Variants in LRRC69 observed in about 807,000 individuals in gnomAD.
The protein encoded by LRRC69 is leucine rich repeat containing 69, also known as leucine-rich repeat-containing protein 69.
Under a neutral mutation model 37.8 loss-of-function variants are expected in LRRC69, and 42 were observed. That is an observed-to-expected ratio of 1.11 (90% CI 0.87 to 1.44). The LOEUF (loss-of-function observed/expected upper bound fraction) is 1.44, where lower values mean the gene tolerates loss of function less well. LRRC69 is among the 40% of genes most tolerant of loss of function. LRRC69 has a pLI of 0.00. For synonymous variants in LRRC69, 141 were observed against 143.1 expected, an observed-to-expected ratio of 0.99 and a Z score of 0.11; for missense variants, 357 against 401.9, an observed-to-expected ratio of 0.89 and a Z score of 0.96.
rs1808875795 is a variant in LRRC69, at chr8:91,158,415, A to T, written c.651+22676A>T. 10 of 1,385,120 alleles carry T rather than the reference A, an allele frequency of 7.2e-6. No individual in the cohort carries two copies. The South Asian group carries it at 8.1e-5, about 11-fold the overall frequency. The allele number at this position is 1,385,120 out of a possible 1,614,324, so 85.8% of individuals were successfully genotyped here. A position where few individuals can be genotyped will look rare whatever the true frequency, so the allele number is the denominator to read the frequency against. On this transcript the variant is annotated intron_variant, in intron 5 of 7. Coordinates refer to ENST00000448384, the Ensembl canonical transcript of LRRC69. Reference sequence around the variant, plus strand: ...GATCACCCCAAGAAAGTAAACAAAGATGATGAGGAATTCATAGAAAGCAAT... The same window carrying T: ...GATCACCCCAAGAAAGTAAACAAAGTTGATGAGGAATTCATAGAAAGCAAT...
Position 91,157,063 on chromosome 8 carries a change from T to G in LRRC69, c.651+21324T>G, listed in dbSNP as rs540936451. 6.1e-4 allele frequency among the ~76,000 whole-genome samples: 92 copies of G among 151,426 alleles called. 1 individual carries two copies. The South Asian group carries it at 6.9e-3, about 11-fold the overall frequency. On this transcript the variant is annotated intron_variant, in intron 5 of 7. Coordinates refer to ENST00000448384, the Ensembl canonical transcript of LRRC69. ...GTCAGGTAGTTTGATGACTCTAGGTTTGTTCTTTTTGCTCAGAATTGCTTT... is the reference window on the plus strand; with the variant it reads ...GTCAGGTAGTTTGATGACTCTAGGTGTGTTCTTTTTGCTCAGAATTGCTTT...
At chr8:91,158,887 G>A (rs1808886472) in intron 5 of LRRC69, 1 of 604,796 alleles carries the variant, frequency 1.7e-6, no homozygotes, top group South Asian at 2.0e-5. Context: ...ATACAACTTT[G>A]TGCATTTGTG....
At chr8:91,215,675 C>T (rs988107553) in intron 7 of LRRC69, among the ~76,000 whole-genome samples, 1 of 152,148 alleles carries the variant, frequency 6.6e-6, no homozygotes, top group African/African-American at 2.4e-5. Context: ...CACAGACCAA[C>T]TCCTTTTCCT....
At chr8:91,115,041 G>A (rs934276672) in intron 1 of LRRC69, among the ~76,000 whole-genome samples, 3 of 151,910 alleles carry the variant, frequency 2.0e-5, no homozygotes, top group Non-Finnish European at 1.5e-5. Context: ...AAGGGTCTAG[G>A]GAGAGGGAGA....
intron 7 of LRRC69, among the ~76,000 whole-genome samples, chr8:91,216,317 C>G (rs539481542): frequency 6.6e-6 from 1 of 152,108 alleles, no homozygotes; most frequent in African/African-American, 2.4e-5. Context: ...CATGCGATGT[C>G]CTAATGACAC....
intron 5 of LRRC69, among the ~76,000 whole-genome samples, chr8:91,148,571 G>A (rs1321060539): frequency 6.6e-6 from 1 of 151,954 alleles, no homozygotes; most frequent in East Asian, 1.9e-4. Flanking sequence ...ATAGCAGCAT[G>A]ATTTATAATC....
At chr8:91,154,407 C>T (rs1808796576) in intron 5 of LRRC69, among the ~76,000 whole-genome samples, 2 of 151,740 alleles carry the variant, frequency 1.3e-5, no homozygotes, top group South Asian at 2.1e-4. Flanking sequence ...GATACCAAAG[C>T]CTGGCAGACA....
At chr8:91,195,861 T>C (rs1809588686) in intron 6 of LRRC69, among the ~76,000 whole-genome samples, 1 of 151,966 alleles carries the variant, frequency 6.6e-6, no homozygotes, top group Non-Finnish European at 1.5e-5. Context: ...GTTAATATTG[T>C]TATGTGTGAA....
At chr8:91,206,709 C>T (rs1358283555) in intron 7 of LRRC69, 1 of 1,289,570 alleles carries the variant, frequency 7.8e-7, no homozygotes, top group Non-Finnish European at 1.0e-6. Context: ...CAACCTAATA[C>T]AAGCAACAAC....
chr8:91,124,431 T>C (rs769357072), intron 1 of LRRC69, 62 bp from the exon 2 acceptor site: 16 of 1,341,486 alleles, frequency 1.2e-5, no homozygotes, highest in Non-Finnish European at 1.6e-5. Flanking sequence ...GCTTAAATTA[T>C]TTCTTTTTTT....
At chr8:91,118,590 G>A (rs1380066156) in intron 1 of LRRC69, 4 of 206,144 alleles carry the variant, frequency 1.9e-5, no homozygotes, top group Non-Finnish European at 3.9e-5. Flanking sequence ...GGGTCTATGA[G>A]TAGCAATGGT....
At chr8:91,148,980 T>C (rs1428047386) in intron 5 of LRRC69, among the ~76,000 whole-genome samples, 2 of 151,764 alleles carry the variant, frequency 1.3e-5, no homozygotes, top group Non-Finnish European at 2.9e-5. Context: ...ATTCTGGATA[T>C]TAGCCCTTTG....
Position 91,191,934 on chromosome 8 carries a change from C to T in LRRC69, c.753+2311C>T, listed in dbSNP as rs773837486. 2.6e-4 allele frequency among the ~76,000 whole-genome samples: 40 copies of T among 151,726 alleles called. No individual in the cohort carries two copies. In the Middle Eastern group the frequency reaches 0.01, roughly 39 times the overall value. ...TATGCACACATGTGCCATGCTGGTG[C>T]GCTGCACCCACTAACTCGTCATCTA... On this transcript the variant is annotated intron_variant, in intron 6 of 7. Transcript: ENST00000448384.
chr8:91,209,272 C>CA (rs1491013902), intron 7 of LRRC69, among the ~76,000 whole-genome samples: 5 of 150,832 alleles, frequency 3.3e-5, no homozygotes, highest in Admixed American at 3.3e-4. Context: ...ACTAAAAACA[C>CA]AAAAAAATTA....
intron 1 of LRRC69, among the ~76,000 whole-genome samples, chr8:91,111,660 A>G (rs954629220): frequency 6.6e-6 from 1 of 152,088 alleles, no homozygotes; most frequent in Non-Finnish European, 1.5e-5. Context: ...GTTGTCACTT[A>G]TAAGTGGCAG....
At chr8:91,144,148 C>G (rs911973331) in intron 5 of LRRC69, among the ~76,000 whole-genome samples, 2 of 151,894 alleles carry the variant, frequency 1.3e-5, no homozygotes, top group African/African-American at 2.4e-5. Flanking sequence ...AAGGTTTGGT[C>G]TGAGATACCT....
intron 5 of LRRC69, among the ~76,000 whole-genome samples, chr8:91,149,563 T>C (rs1024166323): frequency 6.6e-6 from 1 of 152,044 alleles, no homozygotes; most frequent in African/African-American, 2.4e-5. Context: ...GACTTGGCAC[T>C]GTGGGCTCTT....
At chr8:91,145,826 G>A (rs13259915) in intron 5 of LRRC69, among the ~76,000 whole-genome samples, 7,965 of 151,890 alleles carry the variant, frequency 0.052, 299 homozygotes, top group Middle Eastern at 0.16. Flanking sequence ...AGAAGAGGGT[G>A]TTGAATTATA....
At chr8:91,150,057 C>T (rs796448289) in intron 5 of LRRC69, among the ~76,000 whole-genome samples, 1 of 150,560 alleles carries the variant, frequency 6.6e-6, no homozygotes, top group African/African-American at 2.4e-5. Context: ...TCCTCTTTTC[C>T]TAATTGAATA....
Sources: allele counts gnomAD v4.1 joint callset (sites outside exome capture counted in the v4.1 genomes callset), GRCh38; gene constraint gnomAD v4.1.1; transcripts MANE v1.5; gene names NCBI Gene and HGNC (gene_info 2026-07-23, HGNC 2026-07-21).